The following DNAH7 variants were observed in gnomAD, a reference collection of about 807,000 sequenced individuals.
The protein encoded by DNAH7 is axonemal beta dynein heavy chain 7.
In DNAH7, 397 loss-of-function variants were observed where a neutral mutation model predicts 444.6. That is an observed-to-expected ratio of 0.89 (90% CI 0.82 to 0.97). The LOEUF (loss-of-function observed/expected upper bound fraction) is 0.97. DNAH7 is among the 50% of genes least tolerant of loss of function. DNAH7 has a pLI of 0.00. For synonymous variants in DNAH7, 1,636 were observed against 1,624.4 expected, an observed-to-expected ratio of 1.01 and a Z score of -0.17; for missense variants, 4,902 against 4,800.8, an observed-to-expected ratio of 1.02 and a Z score of -0.62.
At chr2:195,855,392 C>A (rs1444693010) in intron 45 of DNAH7, among the ~76,000 whole-genome samples, 3 of 152,192 alleles carry the variant, frequency 2.0e-5, no homozygotes, top group Admixed American at 6.5e-5. Flanking sequence ...ATACAACCTA[C>A]GTCACTTAAC....
In DNAH7 at chr2:195,856,033, T is replaced by C. The variant is rs912590553; in HGVS notation, c.8415-42A>G. ...TGAAAAATTAAATATTCATTTAATATTCCAGTACACTTTCTATCACTGAAT... is the reference window on the plus strand; with the variant it reads ...TGAAAAATTAAATATTCATTTAATACTCCAGTACACTTTCTATCACTGAAT... On this transcript the variant is annotated intron_variant, in intron 44 of 64. Transcript: ENST00000312428. The C allele has an allele frequency of 4.5e-6, 7 of 1,560,478 alleles. No individual in the cohort carries two copies. The South Asian group carries it at 7.0e-5, about 16-fold the overall frequency.
At chr2:196,037,210 C>T (rs1415566264) in intron 5 of DNAH7, among the ~76,000 whole-genome samples, 2 of 152,000 alleles carry the variant, frequency 1.3e-5, no homozygotes, top group Non-Finnish European at 2.9e-5. Flanking sequence ...GCCAAAGCAC[C>T]CTACCCAGTT....
At chr2:195,909,813 G>C (rs1390617591) in intron 25 of DNAH7, among the ~76,000 whole-genome samples, 1 of 152,154 alleles carries the variant, frequency 6.6e-6, no homozygotes, top group African/African-American at 2.4e-5. Flanking sequence ...ATAATGACTT[G>C]TTACAGTAGG....
At chr2:195,857,235 G>C in intron 44 of DNAH7, 142 bp downstream of exon 44, 1 of 714,174 alleles carries the variant, frequency 1.4e-6, no homozygotes, top group Non-Finnish European at 2.2e-6. Flanking sequence ...CTTGCCTCCA[G>C]TAAATATGCA....
intron 47 of DNAH7, among the ~76,000 whole-genome samples, chr2:195,844,011 T>G (rs1405394662): frequency 1.3e-5 from 2 of 151,808 alleles, no homozygotes; most frequent in Non-Finnish European, 2.9e-5. Context: ...CAGGAAAATG[T>G]CATGAACCTG....
intron 47 of DNAH7, among the ~76,000 whole-genome samples, chr2:195,843,968 T>C (rs866017670): frequency 4.0e-5 from 6 of 151,606 alleles, no homozygotes; most frequent in Non-Finnish European, 5.9e-5. Context: ...TGGTGGCAGG[T>C]GCCTGTAGTC....
chr2:195,753,513 T>A (rs1014865438), intron 63 of DNAH7, among the ~76,000 whole-genome samples: 1 of 152,150 alleles, frequency 6.6e-6, no homozygotes, highest in African/African-American at 2.4e-5. Context: ...CCTGTTGATA[T>A]CTCCAGTGCC....
intron 34 of DNAH7, among the ~76,000 whole-genome samples, 155 bp from the exon 35 acceptor site, chr2:195,884,964 AG>A (rs1701625212): frequency 6.6e-6 from 1 of 152,220 alleles, no homozygotes; most frequent in African/African-American, 2.4e-5. Context: ...TGTAATCATA[AG>A]GGTTTTTAAA....
chr2:195,955,289 C>T (rs182314301), intron 19 of DNAH7, among the ~76,000 whole-genome samples: 2,972 of 152,248 alleles, frequency 0.02, 48 homozygotes, highest in Non-Finnish European at 0.03. Flanking sequence ...GGAATCCTTT[C>T]CCCATTTCTT....
At chr2:196,056,835 G>C (rs933254729) in intron 2 of DNAH7, among the ~76,000 whole-genome samples, 21 of 152,168 alleles carry the variant, frequency 1.4e-4, no homozygotes, top group African/African-American at 5.1e-4. Flanking sequence ...AGGAAAATAG[G>C]CTAGGAAAAC....
At chr2:195,750,430 C>T (rs1018112848) in intron 63 of DNAH7, among the ~76,000 whole-genome samples, 4 of 152,052 alleles carry the variant, frequency 2.6e-5, no homozygotes, top group African/African-American at 9.7e-5. Context: ...AACTTCAACC[C>T]AAATGTGACC....
In DNAH7 at chr2:196,000,885, T is replaced by C; in HGVS notation, c.1174-2A>G. ...ATGTTCAAAAGCTCTAACAGAATCC[T>C]GCAAAAAATTAAAAAATTTACATAC... On this transcript the variant is annotated splice_acceptor_variant, in intron 11 of 64. Transcript: ENST00000312428. LOFTEE classifies it high-confidence loss of function. 1 of 1,555,994 alleles carries C rather than the reference T, an allele frequency of 6.4e-7. No individual in the cohort carries two copies. Among genetic ancestry groups the C allele is most frequent in the South Asian group, 1.2e-5 (1 of 80,020 alleles).
intron 30 of DNAH7, 188 bp downstream of exon 30, chr2:195,894,788 T>C (rs1409789438): frequency 2.2e-6 from 1 of 448,410 alleles, no homozygotes; most frequent in East Asian, 3.7e-5. Flanking sequence ...AGCAAGTTTG[T>C]GGCATACCCT....
intron 23 of DNAH7, among the ~76,000 whole-genome samples, chr2:195,922,629 A>C (rs1688091315): frequency 6.6e-6 from 1 of 152,068 alleles, no homozygotes; most frequent in African/African-American, 2.4e-5. Context: ...GTTTCCCAGG[A>C]CGCTAGTTCT....
intron 10 of DNAH7, 85 bp downstream of exon 10, chr2:196,012,702 G>T (rs771266301): frequency 1.5e-6 from 2 of 1,341,708 alleles, no homozygotes; most frequent in African/African-American, 3.0e-5. Context: ...ATTAAAATTG[G>T]ATCTTCTAAA....
At chr2:195,788,182 T>C (rs545626872) in intron 57 of DNAH7, among the ~76,000 whole-genome samples, 1 of 152,244 alleles carries the variant, frequency 6.6e-6, no homozygotes, top group Non-Finnish European at 1.5e-5. Context: ...CTGTAGGCAA[T>C]AGCAGCCGCC....
chr2:195,898,449 A>T (rs528951602), intron 28 of DNAH7, among the ~76,000 whole-genome samples: 1 of 152,342 alleles, frequency 6.6e-6, no homozygotes, highest in South Asian at 2.1e-4. Flanking sequence ...TTAGCATTTC[A>T]TCGTTATTGA....
intron 5 of DNAH7, among the ~76,000 whole-genome samples, chr2:196,038,646 T>C (rs1696540071): frequency 1.3e-5 from 2 of 152,292 alleles, no homozygotes; most frequent in Admixed American, 6.5e-5. Context: ...AGATATTCCA[T>C]GCAAATGGGA....
chr2:195,922,180 T>C lies in DNAH7; in HGVS notation c.3843A>G (p.Thr1281=), dbSNP rs1301433854. 1.2e-6 allele frequency: 2 copies of C among 1,604,582 alleles called. No individual in the cohort carries two copies. The highest frequency in any genetic ancestry group is 1.7e-6 in the Non-Finnish European group (2 of 1,171,654). ...ATCGCAAACCAGCATTGATCATTTT[T>C]GTTTCTAAATGATTTTCCTAGGATA... ...RYYWQENHLE[T]KMINAGLRYG... Residue 1281 remains threonine (T), a synonymous_variant, in exon 24 of 65, where the codon ACA becomes ACG. Coordinates refer to ENST00000312428, the MANE Select transcript of DNAH7 (RefSeq NM_018897.3).
Sources: gnomAD v4.1 joint callset for allele counts (sites outside exome capture counted in the v4.1 genomes callset) on GRCh38, gnomAD v4.1.1 for gene constraint, MANE v1.5 for transcripts, NCBI Gene and HGNC (gene_info 2026-07-23, HGNC 2026-07-21) for gene names.